Variants in BABAM1 observed in about 807,000 individuals in gnomAD.
The protein encoded by BABAM1 is BRISC and BRCA1-A complex member 1.
Under a neutral mutation model 34.4 loss-of-function variants are expected in BABAM1, and 14 were observed. The ratio of observed to expected loss-of-function variants is 0.41; its 90% CI spans 0.27 to 0.64. The LOEUF is 0.64. Ranked by LOEUF, BABAM1 falls within the 30% of genes least tolerant of loss-of-function variation. The pLI, the probability that BABAM1 is intolerant of heterozygous loss-of-function variation, is 0.34. For synonymous variants in BABAM1, 169 were observed against 165.8 expected (o/e 1.02, Z -0.15); for missense variants, 393 against 434.0 (o/e 0.91, Z 0.84).
rs938055481 is a variant in BABAM1, at chr19:17,271,586, C to T, written c.286-11C>T. On this transcript the variant is annotated splice_polypyrimidine_tract_variant and intron_variant, in intron 2 of 8. Transcript: ENST00000598188. The stretch of plus-strand genomic sequence containing the variant: ...TCAGAGGACGCTCACCACCCTCCAA[C>T]TACCTTGCAGATTATCTGCCTGGAC... The T allele has an allele frequency of 1.2e-6, 2 of 1,613,510 alleles. No homozygotes were observed. Among genetic ancestry groups the T allele is most frequent in the African/African-American group, 1.3e-5 (1 of 75,062 alleles).
At chr19:17,274,867 TCTTTTCA>T (rs1202696504) in intron 5 of BABAM1, among the ~76,000 whole-genome samples, 1 of 59,356 alleles carries the variant, frequency 1.7e-5, no homozygotes, top group Non-Finnish European at 4.3e-5. Context: ...CACCCCTGGC[TCTTTTCA>T]TTTTGAGGAG....
chr19:17,276,054 A>G lies in BABAM1; in HGVS notation c.569+229A>G, dbSNP rs142719487. ...ACGGCAGTGATGGGGGATGTTCAGGACACTGAGGGTGGCCGGGCCCAGTGG... is the reference window on the plus strand; with the variant it reads ...ACGGCAGTGATGGGGGATGTTCAGGGCACTGAGGGTGGCCGGGCCCAGTGG... On this transcript the variant is annotated intron_variant, in intron 6 of 8. Coordinates refer to ENST00000598188, the MANE Select transcript of BABAM1 (RefSeq NM_014173.4). 4.4e-3 allele frequency among the ~76,000 whole-genome samples: 677 copies of G among 152,226 alleles called. 2 individuals carry two copies. The highest frequency in any genetic ancestry group is 0.027 in the Middle Eastern group (8 of 294).
intron 3 of BABAM1, among the ~76,000 whole-genome samples, chr19:17,272,581 A>G (rs972793513): frequency 4.0e-5 from 6 of 151,310 alleles, no homozygotes; most frequent in Non-Finnish European, 7.4e-5. Context: ...ATTTTTTTGT[A>G]TTTTTAGTAG....
intron 5 of BABAM1, 150 bp from the exon 6 acceptor site, chr19:17,275,651 A>C: frequency 3.4e-6 from 3 of 894,032 alleles, no homozygotes; most frequent in Non-Finnish European, 5.4e-6. Flanking sequence ...GCTGAGGGGA[A>C]TTTGTGTGTC....
chr19:17,269,032 C>T lies in BABAM1; in HGVS notation c.226C>T (p.Pro76Ser). Residue 76 changes from proline to serine, a missense_variant, in exon 2 of 9, where the codon CCC becomes TCC. Pro to Ser is a moderately conservative substitution (Grantham distance 74). Transcript: ENST00000598188. ...SGAGPKSWQVPPPAPEVQIRT... is the reference protein window; with the variant it reads ...SGAGPKSWQVSPPAPEVQIRT... ...AGCCGGCCCTAAGTCCTGGCAGGTGCCCCCGCCAGCCCCTGAGGTCCAAAT... is the reference window on the plus strand; with the variant it reads ...AGCCGGCCCTAAGTCCTGGCAGGTGTCCCCGCCAGCCCCTGAGGTCCAAAT... 6.3e-7 allele frequency: 1 copy of T among 1,595,548 alleles called. No individual in the cohort carries two copies. The highest frequency in any genetic ancestry group is 8.5e-7 in the Non-Finnish European group (1 of 1,172,352).
At chr19:17,273,244 T>C (rs1480191419) in intron 3 of BABAM1, among the ~76,000 whole-genome samples, 1 of 151,702 alleles carries the variant, frequency 6.6e-6, no homozygotes, top group Admixed American at 6.6e-5. Context: ...GTATCTGGAG[T>C]GGGGGGCAGT....
At chr19:17,274,265 A>G in intron 5 of BABAM1, 80 bp downstream of exon 5, 1 of 1,539,150 alleles carries the variant, frequency 6.5e-7, no homozygotes, top group Non-Finnish European at 8.9e-7. Flanking sequence ...AGTCTAAGTC[A>G]TGACTCTGGC....
In BABAM1 at chr19:17,273,905, T is replaced by C; in HGVS notation, c.346T>C (p.Ser116Pro). The C allele has an allele frequency of 6.2e-7, 1 of 1,608,162 alleles. No homozygotes were observed. Among genetic ancestry groups the C allele is most frequent in the Non-Finnish European group, 8.5e-7 (1 of 1,177,466 alleles). ...SLPKLESFNG[S>P]KTNALNVSQK... ...CCCCTGTACTCTCTGCCTCCCCAGC[T>C]CCAAAACCAACGCCCTCAATGTCTC... is the stretch of plus-strand genomic sequence containing the variant. Residue 116 changes from serine to proline, a missense_variant and splice_region_variant, in exon 4 of 9, where the codon TCC (serine) becomes CCC (proline). Physicochemically the swap from Ser to Pro is moderately conservative, Grantham distance 74. Transcript: ENST00000598188.
At chr19:17,273,207 G>C (rs149742086) in intron 3 of BABAM1, among the ~76,000 whole-genome samples, 15 of 152,270 alleles carry the variant, frequency 9.9e-5, no homozygotes, top group African/African-American at 3.6e-4. Context: ...TGAAGCCCTT[G>C]TCTGGAGTCA....
In BABAM1 at chr19:17,278,994, C is replaced by G. The variant is rs772948222; in HGVS notation, c.936C>G (p.Ser312=). Residue 312 remains serine, a synonymous_variant, in exon 9 of 9, where the codon TCC becomes TCG. Transcript: ENST00000598188. ...AGCGGCCTTGCCAGAGCCATGCTTCCTACAGCCTGCTGGAGGAGGAGGATG... is the reference window on the plus strand; with the variant it reads ...AGCGGCCTTGCCAGAGCCATGCTTCGTACAGCCTGCTGGAGGAGGAGGATG... ...PLQRPCQSHA[S]YSLLEEEDEA... is the part of the protein sequence containing the mutation. The G allele has an allele frequency of 1.2e-6, 2 of 1,612,614 alleles. No individual in the cohort carries two copies. The highest frequency in any genetic ancestry group is 2.2e-5 in the East Asian group (1 of 44,852).
rs778638189 is a variant in BABAM1 at position 17,279,005 on chromosome 19, TGGA to T, written c.957_959del (p.Glu319del). ...CAGAGCCATGCTTCCTACAGCCTGC[TGGA>T]GGAGGAGGATGAAGCCATTGAGGTT... On this transcript the variant is annotated inframe_deletion, in exon 9 of 9. Coordinates refer to ENST00000598188, the MANE Select transcript of BABAM1 (RefSeq NM_014173.4). 17 of 1,612,526 alleles carry T rather than the reference TGGA, an allele frequency of 1.1e-5. No individual in the cohort carries two copies. Among genetic ancestry groups the T allele is most frequent in the Non-Finnish European group, 2.5e-6 (3 of 1,179,508 alleles).
intron 6 of BABAM1, 116 bp from the exon 7 acceptor site, chr19:17,276,379 G>A: frequency 1.3e-6 from 2 of 1,488,224 alleles, no homozygotes; most frequent in South Asian, 2.5e-5. Flanking sequence ...CAGTGAACTT[G>A]GGAGACATCA....
rs201104012 is a variant in BABAM1, at chr19:17,276,856, G to A, written c.733G>A (p.Val245Ile). The change falls in exon 8 of 9, where the codon GTT (valine) becomes ATT (isoleucine). Residue 245 changes from valine to isoleucine, a missense_variant. Val to Ile is a conservative substitution (Grantham distance 29). Coordinates refer to ENST00000598188, the MANE Select transcript of BABAM1 (RefSeq NM_014173.4). ...CCAGTGCCCATATTTCTTCTTTGAC[G>A]TTGTTTACATCCACAATGGCACTGA... ...MFQCPYFFFD[V>I]VYIHNGTEEK... 3.5e-5 allele frequency: 56 copies of A among 1,605,264 alleles called. No individual in the cohort carries two copies. The highest frequency in any genetic ancestry group is 4.3e-5 in the Non-Finnish European group (50 of 1,175,948).
chr19:17,268,939 G>A lies in BABAM1; in HGVS notation c.133G>A (p.Val45Met), dbSNP rs202199976. 1.2e-4 allele frequency: 184 copies of A among 1,575,872 alleles called. No individual in the cohort carries two copies. The African/African-American group carries it at 2.1e-3, about 18-fold the overall frequency. ...EDRAVGAQAS[V>M]GSRSEGEGEA... ...CCGGGCAGTAGGGGCACAGGCCAGCGTGGGCAGCCGCAGCGAGGGTGAGGG... is the reference window on the plus strand; with the variant it reads ...CCGGGCAGTAGGGGCACAGGCCAGCATGGGCAGCCGCAGCGAGGGTGAGGG... Residue 45 changes from valine (V) to methionine (M), a missense_variant, in exon 2 of 9, where the codon GTG becomes ATG. By Grantham distance (21) the Val-to-Met change is conservative. Transcript: ENST00000598188.
chr19:17,273,711 C>T (rs571503302), intron 3 of BABAM1, among the ~76,000 whole-genome samples, 193 bp from the exon 4 acceptor site: 25 of 151,818 alleles, frequency 1.6e-4, no homozygotes, highest in African/African-American at 5.3e-4. Context: ...TACAGGCACT[C>T]GCCACCACGC....
chr19:17,270,325 G>A (rs1444795366), intron 2 of BABAM1, among the ~76,000 whole-genome samples: 3 of 152,194 alleles, frequency 2.0e-5, no homozygotes, highest in Non-Finnish European at 4.4e-5. Flanking sequence ...TGGGATTACA[G>A]GTGTTAGCCA....
intron 2 of BABAM1, among the ~76,000 whole-genome samples, chr19:17,269,348 C>CTTTTTT (rs71334696): frequency 8.1e-6 from 1 of 123,050 alleles, no homozygotes; most frequent in Non-Finnish European, 1.7e-5. Context: ...TTTTGTCTGT[C>CTTTTTT]TTTTTTTTTT....
At chr19:17,269,537 G>A (rs2073813552) in intron 2 of BABAM1, among the ~76,000 whole-genome samples, 1 of 151,784 alleles carries the variant, frequency 6.6e-6, no homozygotes, top group African/African-American at 2.4e-5. Flanking sequence ...TTTTAGTAGA[G>A]ACAGGGTTTC....
At chr19:17,272,352 C>A (rs2073850887) in intron 3 of BABAM1, among the ~76,000 whole-genome samples, 1 of 152,010 alleles carries the variant, frequency 6.6e-6, no homozygotes, top group Non-Finnish European at 1.5e-5. Flanking sequence ...CTGCAGTGAG[C>A]TATGATTTTG....
Sources: allele counts gnomAD v4.1 joint callset (sites outside exome capture counted in the v4.1 genomes callset), GRCh38; gene constraint gnomAD v4.1.1; transcripts MANE v1.5; gene names NCBI Gene and HGNC (gene_info 2026-07-23, HGNC 2026-07-21).